CSMD3: variants seen among roughly 807,000 people sequenced by gnomAD.
The protein encoded by CSMD3 is CUB and Sushi multiple domains 3.
A neutral mutation model predicts 435.2 loss-of-function variants in CSMD3; 177 were observed. The observed-to-expected ratio is 0.41, with a 90% CI of 0.36 to 0.46. The LOEUF (loss-of-function observed/expected upper bound fraction) is 0.46, where lower values mean the gene tolerates loss of function less well. CSMD3 is among the 20% of genes least tolerant of loss of function. CSMD3 has a pLI of 0.34. For missense variants in CSMD3, 4,265 were observed against 4,504.6 expected (o/e 0.95, Z 1.52); for synonymous variants, 1,656 against 1,520.5 (o/e 1.09, Z -2.07).
At chr8:113,131,283 T>A (rs1052300078) in intron 4 of CSMD3, among the ~76,000 whole-genome samples, 10 of 151,746 alleles carry the variant, frequency 6.6e-5, no homozygotes, top group Non-Finnish European at 1.5e-4. Context: ...TTCAGAGATC[T>A]CCCCTCCCAT....
chr8:112,682,415 C>G (rs765735996), intron 16 of CSMD3, 27 bp downstream of exon 16: 4 of 1,550,356 alleles, frequency 2.6e-6, no homozygotes, highest in Non-Finnish European at 3.6e-6. Flanking sequence ...TGATGAGGTT[C>G]TATTTCTCAC....
chr8:112,854,562 T>A (rs2080591575), intron 11 of CSMD3, among the ~76,000 whole-genome samples: 1 of 152,172 alleles, frequency 6.6e-6, no homozygotes, highest in African/African-American at 2.4e-5. Flanking sequence ...TGGGCAGGTA[T>A]GGCTAAAACA....
intron 10 of CSMD3, among the ~76,000 whole-genome samples, chr8:112,878,002 G>A (rs770527939): frequency 1.3e-5 from 2 of 152,070 alleles, no homozygotes; most frequent in Non-Finnish European, 2.9e-5. Flanking sequence ...TAGGACATAG[G>A]TATGGACAAA....
intron 13 of CSMD3, among the ~76,000 whole-genome samples, chr8:112,757,996 C>T (rs2077741039): frequency 6.6e-6 from 1 of 152,130 alleles, no homozygotes; most frequent in East Asian, 1.9e-4. Context: ...TTCCAGGCTG[C>T]AGTGAGCCGT....
chr8:112,262,104 A>G (rs1251836554), intron 61 of CSMD3, among the ~76,000 whole-genome samples: 1 of 152,052 alleles, frequency 6.6e-6, no homozygotes, highest in Non-Finnish European at 1.5e-5. Flanking sequence ...ACCTGAGGTC[A>G]TTTAGATAGA....
intron 11 of CSMD3, among the ~76,000 whole-genome samples, chr8:112,844,240 C>T (rs57546732): frequency 6.6e-6 from 1 of 151,686 alleles, no homozygotes. Flanking sequence ...GAGTTTTTTC[C>T]TAATATCTTT....
intron 38 of CSMD3, among the ~76,000 whole-genome samples, chr8:112,362,877 C>G (rs1827388241): frequency 6.6e-6 from 1 of 151,756 alleles, no homozygotes; most frequent in South Asian, 2.1e-4. Flanking sequence ...GAATGGAGTT[C>G]TTAGAGATTT....
At chr8:113,152,449 G>A (rs937144028) in intron 4 of CSMD3, among the ~76,000 whole-genome samples, 1 of 151,964 alleles carries the variant, frequency 6.6e-6, no homozygotes, top group Non-Finnish European at 1.5e-5. Context: ...ATATTCACAC[G>A]TGAACACCTG....
At chr8:112,875,778 T>C (rs761800200) in intron 10 of CSMD3, among the ~76,000 whole-genome samples, 7 of 152,170 alleles carry the variant, frequency 4.6e-5, no homozygotes, top group Non-Finnish European at 1.0e-4. Context: ...AGGTCATTTA[T>C]GTTTTTCTCT....
At chr8:113,378,194 C>G (rs2133091748) in intron 1 of CSMD3, among the ~76,000 whole-genome samples, 1 of 152,272 alleles carries the variant, frequency 6.6e-6, no homozygotes, top group South Asian at 2.1e-4. Context: ...CACAGTGAGT[C>G]ATTTGTGAAC....
At chr8:112,506,918 G>T in intron 28 of CSMD3, 89 bp from the exon 29 acceptor site, 1 of 1,160,256 alleles carries the variant, frequency 8.6e-7, no homozygotes, top group Non-Finnish European at 1.3e-6. Flanking sequence ...CTCTAAAAGA[G>T]CTTATGAGGC....
chr8:113,045,623 A>G (rs2087796672), intron 5 of CSMD3, among the ~76,000 whole-genome samples: 1 of 149,610 alleles, frequency 6.7e-6, no homozygotes, highest in South Asian at 2.1e-4. Context: ...TTCATATGCT[A>G]TACCATGAAG....
At chr8:113,298,218 A>G (rs1315419914) in intron 2 of CSMD3, among the ~76,000 whole-genome samples, 1 of 152,076 alleles carries the variant, frequency 6.6e-6, no homozygotes, top group Non-Finnish European at 1.5e-5. Context: ...TTTTATGTGA[A>G]AAATTTTCCC....
intron 35 of CSMD3, among the ~76,000 whole-genome samples, chr8:112,400,469 TTATC>T (rs1174753389): frequency 3.3e-5 from 5 of 152,208 alleles, no homozygotes; most frequent in Admixed American, 6.5e-5. Context: ...AGTCTGTTCT[TTATC>T]TAAAGACTCC....
intron 2 of CSMD3, 88 bp from the exon 3 acceptor site, chr8:113,278,792 A>T (rs1456196320): frequency 2.8e-6 from 2 of 713,644 alleles, no homozygotes; most frequent in Admixed American, 2.0e-5. Context: ...TAAAAAAAAT[A>T]ATAAAACAGA....
intron 1 of CSMD3, among the ~76,000 whole-genome samples, chr8:113,404,526 T>G (rs1213977699): frequency 6.6e-6 from 1 of 151,380 alleles, no homozygotes; most frequent in African/African-American, 2.4e-5. Flanking sequence ...TTTTGTTATA[T>G]AGAGAGAGAT....
At chr8:112,544,194 A>T (rs1018866411) in intron 27 of CSMD3, among the ~76,000 whole-genome samples, 1 of 152,154 alleles carries the variant, frequency 6.6e-6, no homozygotes, top group Non-Finnish European at 1.5e-5. Flanking sequence ...ACACCTAAAA[A>T]TTTGCTTAAA....
intron 37 of CSMD3, 72 bp from the exon 38 acceptor site, chr8:112,380,528 TA>T (rs1261775208): frequency 4.0e-5 from 33 of 830,154 alleles, no homozygotes; most frequent in African/African-American, 3.3e-4. Flanking sequence ...GTAAGTTTAC[TA>T]ATCAGCCAAT....
intron 3 of CSMD3, among the ~76,000 whole-genome samples, chr8:113,268,364 T>C (rs2093489943): frequency 6.6e-6 from 1 of 151,716 alleles, no homozygotes; most frequent in Non-Finnish European, 1.5e-5. Flanking sequence ...AACTTTTTAC[T>C]CATTTGGCTC....
Sources: allele counts gnomAD v4.1 joint callset (sites outside exome capture counted in the v4.1 genomes callset), GRCh38; gene constraint gnomAD v4.1.1; transcripts MANE v1.5; gene names NCBI Gene and HGNC (gene_info 2026-07-23, HGNC 2026-07-21).